The following ELP2 variants were observed in gnomAD, a reference collection of about 807,000 sequenced individuals.
ELP2 encodes the protein elongator complex protein 2.
In ELP2, 90 loss-of-function variants were observed where a neutral mutation model predicts 119.2. That is an observed-to-expected ratio of 0.75 (90% CI 0.64 to 0.90). The LOEUF is 0.90. Among genes scored for constraint, ELP2 ranks in the 40% least tolerant of loss-of-function variants. The pLI is 0.00. For missense variants in ELP2, 921 were observed against 967.8 expected (o/e 0.95, Z 0.64); for synonymous variants, 339 against 331.0 (o/e 1.02, Z -0.26).
rs1309732006 is a variant in ELP2, at chr18:36,174,717, A to G, written c.*76A>G. 1 of 1,445,406 alleles carries G rather than the reference A, an allele frequency of 6.9e-7. No individual in the cohort carries two copies. Among genetic ancestry groups the G allele is most frequent in the Non-Finnish European group, 9.6e-7 (1 of 1,044,484 alleles). The allele number at this position is 1,445,406 out of a possible 1,614,324, so 89.5% of individuals were successfully genotyped here. The stretch of plus-strand genomic sequence containing the variant: ...ATGTAAACAGGTCATCTTTACCTTC[A>G]TAACTGAATTGAGTTTCTGGGTTTT... On this transcript the variant is annotated 3_prime_UTR_variant, in exon 22 of 22. Transcript: ENST00000358232.
Position 36,130,040 on chromosome 18 carries a change from C to G in ELP2, c.107C>G (p.Thr36Arg). Residue 36 changes from threonine (T) to arginine (R), a missense_variant, in exon 1 of 22, where the codon ACG becomes AGG. Thr to Arg is a moderately conservative substitution (Grantham distance 71, BLOSUM62 -1). Transcript: ENST00000358232. ...CCCAGAGGACTTCTGGCCTTTGGCA[C>G]GTCCTGCTCCGTGGTGCTCTATGAC... ...SGPRGLLAFG[T>R]SCSVVLYDPL... 5 of 1,614,182 alleles carry G rather than the reference C, an allele frequency of 3.1e-6. No individual in the cohort carries two copies. The highest frequency in any genetic ancestry group is 4.2e-6 in the Non-Finnish European group (5 of 1,180,024).
intron 12 of ELP2, among the ~76,000 whole-genome samples, chr18:36,155,264 T>TCCCCCCCCCCCCCCCCCCCCCC (rs60227416): frequency 1.0e-5 from 1 of 100,286 alleles, no homozygotes; most frequent in Non-Finnish European, 1.9e-5. Flanking sequence ...GCACCGCCCC[T>TCCCCCCCCCCCCCCCCCCCCCC]CCCCCCCCCC....
At chr18:36,163,275 G>GGGTGTGTGT (rs1555644861) in intron 17 of ELP2, among the ~76,000 whole-genome samples, 1 of 145,360 alleles carries the variant, frequency 6.9e-6, no homozygotes, top group Non-Finnish European at 1.5e-5. Context: ...GTTCATGGGG[G>GGGTGTGTGT]GTGTGTGTGT....
Position 36,154,873 on chromosome 18 carries a change from C to T in ELP2, c.1149C>T (p.Val383=). The T allele has an allele frequency of 6.2e-7, 1 of 1,613,996 alleles. No individual in the cohort carries two copies. Among genetic ancestry groups the T allele is most frequent in the South Asian group, 1.1e-5 (1 of 91,074 alleles). Residue 383 remains valine (V), a synonymous_variant, in exon 12 of 22, where the codon GTC becomes GTT. Coordinates refer to ENST00000358232, the MANE Select transcript of ELP2 (RefSeq NM_018255.4). ...VNPREWTPEI[V]ISGHFDGVQD... is the part of the protein sequence containing the mutation. ...AGAGAGAGTGGACTCCAGAGATTGT[C>T]ATTTCAGGACACTTTGATGGTGTCC...
In ELP2 at chr18:36,136,306, G is replaced by GC; in HGVS notation, c.221dup (p.Ser75PhefsTer3). ...ATTTACTGAGATATAATTTTTTTCA[G>GC]CCCCTTCTACTGAATTAGTTTCTGG... is the stretch of plus-strand genomic sequence containing the variant. On this transcript the variant is annotated frameshift_variant and splice_region_variant. Coordinates refer to ENST00000358232, the MANE Select transcript of ELP2 (RefSeq NM_018255.4). LOFTEE classifies it high-confidence loss of function. The GC allele has an allele frequency of 6.2e-7, 1 of 1,608,080 alleles. No homozygotes were observed. The highest frequency in any genetic ancestry group is 1.1e-5 in the South Asian group (1 of 90,896).
chr18:36,159,854 A>G (rs1290789910), intron 15 of ELP2, 24 bp downstream of exon 15: 8 of 1,609,512 alleles, frequency 5.0e-6, no homozygotes, highest in Non-Finnish European at 6.8e-6. Context: ...AAGACAATTT[A>G]ATAAATCGCT....
chr18:36,156,561 T>C lies in ELP2; in HGVS notation c.1371T>C (p.Asp457=). ...GGTTTCAGTTTGTATCTGGAGCAGA[T>C]GAAAAAGTTCTTCGGGTTTTTTCTG... is the stretch of plus-strand genomic sequence containing the variant. ...INRFQFVSGA[D]EKVLRVFSAP... is the part of the protein sequence containing the mutation. The change falls in exon 13 of 22, where the codon GAT becomes GAC. Residue 457 remains aspartate, a synonymous_variant. Transcript: ENST00000358232. The C allele has an allele frequency of 6.2e-7, 1 of 1,614,154 alleles. No individual in the cohort carries two copies. The highest frequency in any genetic ancestry group is 8.5e-7 in the Non-Finnish European group (1 of 1,179,998).
intron 2 of ELP2, among the ~76,000 whole-genome samples, 158 bp downstream of exon 2, chr18:36,133,474 A>G (rs2144563079): frequency 6.6e-6 from 1 of 152,330 alleles, no homozygotes. Flanking sequence ...GAAATATCTG[A>G]ACTGTATTTT....
intron 17 of ELP2, among the ~76,000 whole-genome samples, chr18:36,162,931 T>A (rs912994764): frequency 6.6e-5 from 10 of 152,224 alleles, no homozygotes; most frequent in Non-Finnish European, 1.3e-4. Flanking sequence ...AAGTTTTTTT[T>A]ATAGATTTAG....
chr18:36,170,911 G>T, intron 20 of ELP2, 136 bp from the exon 21 acceptor site: 1 of 716,568 alleles, frequency 1.4e-6, no homozygotes, highest in Non-Finnish European at 2.6e-6. Flanking sequence ...AGTGCAGCAT[G>T]TCCTGGGCTG....
intron 8 of ELP2, 35 bp downstream of exon 8, chr18:36,143,001 C>T (rs1453487380): frequency 2.0e-6 from 3 of 1,480,364 alleles, no homozygotes; most frequent in East Asian, 2.3e-5. Flanking sequence ...TATAACGATA[C>T]TTAGGTCTCC....
Position 36,171,028 on chromosome 18 carries a change from C to A in ELP2, c.2211-19C>A. On this transcript the variant is annotated intron_variant, in intron 20 of 21. Transcript: ENST00000358232. ...TTCATGCTAAGTTAATCACTGTTGTCCCCCTCCCTTAAAAACAGATACGTG... is the reference window on the plus strand; with the variant it reads ...TTCATGCTAAGTTAATCACTGTTGTACCCCTCCCTTAAAAACAGATACGTG... The A allele has an allele frequency of 6.6e-7, 1 of 1,509,888 alleles. No homozygotes were observed. The highest frequency in any genetic ancestry group is 2.3e-5 in the East Asian group (1 of 44,290). The allele number at this position is 1,509,888 out of a possible 1,614,324, so 93.5% of individuals were successfully genotyped here. A position where few individuals can be genotyped will look rare whatever the true frequency, so the allele number is the denominator to read the frequency against.
In ELP2 at chr18:36,154,865, G is replaced by C. The variant is rs2090512084; in HGVS notation, c.1141G>C (p.Glu381Gln). 4 of 1,614,122 alleles carry C rather than the reference G, an allele frequency of 2.5e-6. No homozygotes were observed. The highest frequency in any genetic ancestry group is 3.4e-6 in the Non-Finnish European group (4 of 1,180,008). The change falls in exon 12 of 22, where the codon GAG becomes CAG. Residue 381 changes from glutamate (E) to glutamine (Q), a missense_variant. Coordinates refer to ENST00000358232, the MANE Select transcript of ELP2 (RefSeq NM_018255.4). The stretch of plus-strand genomic sequence containing the variant: ...TCCATTGCAGAGAGAGTGGACTCCA[G>C]AGATTGTCATTTCAGGACACTTTGA... ...NTVNPREWTP[E>Q]IVISGHFDGV...
intron 14 of ELP2, 146 bp from the exon 15 acceptor site, chr18:36,159,589 C>A: frequency 1.4e-6 from 1 of 698,924 alleles, no homozygotes; most frequent in Non-Finnish European, 2.6e-6. Context: ...AATGGAAATA[C>A]TCTTGCCTTT....
chr18:36,145,149 C>A (rs941046292), intron 9 of ELP2, 115 bp downstream of exon 9: 7 of 816,612 alleles, frequency 8.6e-6, no homozygotes, highest in Middle Eastern at 2.3e-4. Flanking sequence ...AAATACATGA[C>A]ATTTTCAAGT....
chr18:36,167,344 C>T, intron 19 of ELP2, 122 bp downstream of exon 19: 1 of 723,108 alleles, frequency 1.4e-6, no homozygotes, highest in Non-Finnish European at 2.1e-6. Context: ...GCTATGTATT[C>T]CTTTCTGTTT....
chr18:36,158,027 A>G (rs889452592), intron 13 of ELP2, among the ~76,000 whole-genome samples: 9 of 152,168 alleles, frequency 5.9e-5, no homozygotes, highest in African/African-American at 2.2e-4. Context: ...TTGCTCCCAT[A>G]CTAAGTGTTG....
chr18:36,167,033 A>T (rs1160018571), intron 18 of ELP2, 68 bp from the exon 19 acceptor site: 2 of 1,505,584 alleles, frequency 1.3e-6, no homozygotes. Context: ...GCACTTAAAC[A>T]TCACTTCCTA....
intron 1 of ELP2, among the ~76,000 whole-genome samples, 168 bp downstream of exon 1, chr18:36,130,239 C>A (rs2089555235): frequency 6.6e-6 from 1 of 152,146 alleles, no homozygotes; most frequent in Non-Finnish European, 1.5e-5. Flanking sequence ...GGACTCGCTC[C>A]TCACCCCTCA....
Sources: gnomAD v4.1 joint callset for allele counts (sites outside exome capture counted in the v4.1 genomes callset) on GRCh38, gnomAD v4.1.1 for gene constraint, MANE v1.5 for transcripts, NCBI Gene and HGNC (gene_info 2026-07-23, HGNC 2026-07-21) for gene names.